WDR48: variants seen among roughly 807,000 people sequenced by gnomAD.
WDR48 encodes the protein WD repeat domain 48, also known as WD repeat-containing protein 48.
In WDR48, 22 loss-of-function variants were observed where a neutral mutation model predicts 94.0. That is an observed-to-expected ratio of 0.23 (90% CI 0.17 to 0.33). WDR48 has a LOEUF of 0.33. Ranked by LOEUF, WDR48 falls within the 10% of genes least tolerant of loss-of-function variation. The pLI is 1.00. For missense variants in WDR48, 541 were observed against 813.8 expected, an observed-to-expected ratio of 0.66 and a Z score of 4.08; for synonymous variants, 278 against 280.5, an observed-to-expected ratio of 0.99 and a Z score of 0.09.
Position 39,084,678 on chromosome 3 carries a change from T to C in WDR48, c.1315T>C (p.Phe439Leu), listed in dbSNP as rs772887584. 2 of 1,614,020 alleles carry C rather than the reference T, an allele frequency of 1.2e-6. No homozygotes were observed. The highest frequency in any genetic ancestry group is 1.7e-6 in the Non-Finnish European group (2 of 1,179,944). ...TATTACTTTGGATGAAAGTGATTGT[T>C]TTGCTGCCTGGGTTTCTGCAAAAGA... ...LTITLDESDCFAAWVSAKDAG... is the reference protein window; with the variant it reads ...LTITLDESDCLAAWVSAKDAG... The change falls in exon 13 of 19, where the codon TTT becomes CTT. Residue 439 changes from phenylalanine to leucine, a missense_variant. Physicochemically the swap from Phe to Leu is conservative, Grantham distance 22. This residue lies in a region of WDR48 where 238 missense variants were observed against 285.3 expected (regional missense o/e 0.83). Coordinates refer to ENST00000302313, the MANE Select transcript of WDR48 (RefSeq NM_020839.4).
At chr3:39,062,667 C>A (rs2033341673) in intron 1 of WDR48, among the ~76,000 whole-genome samples, 1 of 152,128 alleles carries the variant, frequency 6.6e-6, no homozygotes, top group South Asian at 2.1e-4. Flanking sequence ...AAACAGGGTA[C>A]TTGAGACCAT....
chr3:39,066,684 TTGTG>T (rs771227235), intron 4 of WDR48, 54 bp downstream of exon 4: 13 of 1,613,154 alleles, frequency 8.1e-6, no homozygotes, highest in Middle Eastern at 3.3e-4. Context: ...TCTCAGTACT[TTGTG>T]TGGCTCATTT....
intron 2 of WDR48, among the ~76,000 whole-genome samples, chr3:39,065,404 C>T (rs965900241): frequency 1.3e-5 from 2 of 152,168 alleles, no homozygotes; most frequent in Admixed American, 1.3e-4. Context: ...GCTGCCCCTG[C>T]TGTCTGCTGT....
intron 1 of WDR48, among the ~76,000 whole-genome samples, chr3:39,054,717 C>CT (rs2032741252): frequency 6.6e-6 from 1 of 152,188 alleles, no homozygotes; most frequent in Admixed American, 6.5e-5. Flanking sequence ...ATACCTGAGA[C>CT]TGGCTCATTT....
chr3:39,091,894 A>G (rs1332128535), intron 17 of WDR48, among the ~76,000 whole-genome samples, 193 bp downstream of exon 17: 1 of 152,226 alleles, frequency 6.6e-6, no homozygotes. Context: ...AAATAAGGCC[A>G]GGTACAGTGG....
chr3:39,086,393 C>T (rs1349579299), intron 14 of WDR48: 3 of 152,224 alleles, frequency 2.0e-5, no homozygotes, highest in Admixed American at 2.0e-4. Context: ...TGGCGAGTAC[C>T]TCCTGCCAGG....
intron 7 of WDR48, among the ~76,000 whole-genome samples, chr3:39,071,135 A>G (rs1383656856): frequency 2.6e-5 from 4 of 152,232 alleles, no homozygotes; most frequent in East Asian, 1.9e-4. Flanking sequence ...TAGTGCCGCA[A>G]TAAACATACA....
intron 11 of WDR48, among the ~76,000 whole-genome samples, chr3:39,082,032 C>G (rs769819651): frequency 3.9e-5 from 6 of 152,136 alleles, no homozygotes; most frequent in Non-Finnish European, 8.8e-5. Flanking sequence ...CTTGGCTGTG[C>G]CAAATACTCG....
chr3:39,053,846 G>A (rs1252232471), intron 1 of WDR48, among the ~76,000 whole-genome samples: 1 of 152,190 alleles, frequency 6.6e-6, no homozygotes, highest in African/African-American at 2.4e-5. Flanking sequence ...GGCTGAATGT[G>A]AGCCAGTGCA....
chr3:39,074,647 C>T (rs1375101113), intron 7 of WDR48, 79 bp from the exon 8 acceptor site: 1 of 1,381,974 alleles, frequency 7.2e-7, no homozygotes, highest in Non-Finnish European at 1.0e-6. Context: ...ACAGTGTGGA[C>T]TCGGGAGAAG....
At chr3:39,089,119 TG>T (rs761506683) in intron 15 of WDR48, 111 bp from the exon 16 acceptor site, 1 of 876,276 alleles carries the variant, frequency 1.1e-6, no homozygotes, top group Non-Finnish European at 1.8e-6. Context: ...AGCTGTCAAG[TG>T]GGGGTTATCC....
intron 6 of WDR48, among the ~76,000 whole-genome samples, chr3:39,069,229 C>T (rs2033790638): frequency 6.6e-6 from 1 of 152,190 alleles, no homozygotes; most frequent in Non-Finnish European, 1.5e-5. Context: ...CCTGCCTTGG[C>T]CTCCCAGAGT....
intron 7 of WDR48, among the ~76,000 whole-genome samples, chr3:39,071,410 C>T (rs934468644): frequency 2.2e-4 from 33 of 152,270 alleles, no homozygotes; most frequent in African/African-American, 7.5e-4. Flanking sequence ...GATGGTTGCC[C>T]GTGTCTCTTC....
At chr3:39,062,937 A>C in intron 1 of WDR48, 113 bp from the exon 2 acceptor site, 1 of 1,359,526 alleles carries the variant, frequency 7.4e-7, no homozygotes, top group East Asian at 2.3e-5. Context: ...GGGTTGAAAA[A>C]GTACATATTG....
intron 9 of WDR48, 41 bp downstream of exon 9, chr3:39,077,254 A>G (rs3732375): frequency 0.12 from 196,256 of 1,609,370 alleles, 13,137 homozygotes; most frequent in East Asian, 0.23. Context: ...ATAAACATGT[A>G]TTTTGTTATC....
chr3:39,072,224 G>A (rs142910633), intron 7 of WDR48, among the ~76,000 whole-genome samples: 189 of 152,338 alleles, frequency 1.2e-3, no homozygotes, highest in African/African-American at 4.2e-3. Flanking sequence ...AAAGAGATCA[G>A]CATTGCAGTT....
At chr3:39,074,599 C>G in intron 7 of WDR48, 127 bp from the exon 8 acceptor site, 1 of 940,020 alleles carries the variant, frequency 1.1e-6, no homozygotes, top group Non-Finnish European at 1.6e-6. Context: ...AAGCCTTTAT[C>G]AGAGGCAGAA....
chr3:39,079,463 A>G (rs1430290482), intron 10 of WDR48, among the ~76,000 whole-genome samples: 1 of 152,240 alleles, frequency 6.6e-6, no homozygotes, highest in African/African-American at 2.4e-5. Context: ...TGACATGAAG[A>G]GCCCTTTAAT....
chr3:39,082,491 A>G (rs1466347480), intron 11 of WDR48, among the ~76,000 whole-genome samples: 1 of 152,114 alleles, frequency 6.6e-6, no homozygotes, highest in Non-Finnish European at 1.5e-5. Context: ...CTTGTTGGCC[A>G]GGATGGTCTC....
Sources: allele counts gnomAD v4.1 joint callset (sites outside exome capture counted in the v4.1 genomes callset), GRCh38; gene constraint gnomAD v4.1.1; regional missense constraint gnomAD v4.1.1; transcripts MANE v1.5; gene names NCBI Gene and HGNC (gene_info 2026-07-23, HGNC 2026-07-21).